FKTN: variants seen among roughly 807,000 people sequenced by gnomAD.
FKTN encodes the protein ribitol-5-phosphate transferase FKTN.
Under a neutral mutation model 58.6 loss-of-function variants are expected in FKTN, and 47 were observed. The ratio of observed to expected loss-of-function variants is 0.80; its 90% CI spans 0.63 to 1.02. The LOEUF is 1.02. Ranked by LOEUF, FKTN falls within the 50% of genes least tolerant of loss-of-function variation. FKTN has a pLI of 0.00. For missense variants in FKTN, 516 were observed against 537.3 expected, an observed-to-expected ratio of 0.96 and a Z score of 0.39; for synonymous variants, 178 against 191.9, an observed-to-expected ratio of 0.93 and a Z score of 0.60.
chr9:105,572,763 GT>G (rs1314609581), intron 1 of FKTN, among the ~76,000 whole-genome samples: 1 of 152,228 alleles, frequency 6.6e-6, no homozygotes, highest in East Asian at 1.9e-4. Context: ...AAGAAGTAAT[GT>G]TTAAATGCTT....
chr9:105,634,995 T>C (rs1833909397), intron 10 of FKTN, 56 bp from the exon 11 acceptor site: 6 of 1,391,310 alleles, frequency 4.3e-6, no homozygotes, highest in Non-Finnish European at 6.1e-6. Context: ...AGCAGCTAGA[T>C]TCCTTAGCTA....
chr9:105,629,355 T>C (rs1249540488), intron 10 of FKTN, among the ~76,000 whole-genome samples: 1 of 152,232 alleles, frequency 6.6e-6, no homozygotes, highest in African/African-American at 2.4e-5. Context: ...GCAGACCTAA[T>C]TGCAATGATA....
chr9:105,615,186 G>A, intron 7 of FKTN, 92 bp from the exon 8 acceptor site: 2 of 1,381,712 alleles, frequency 1.4e-6, no homozygotes, highest in Non-Finnish European at 2.0e-6. Context: ...GCCCAGCCTG[G>A]GGTTAATTTT....
chr9:105,572,230 G>GTATA lies in FKTN; in HGVS notation c.-180-1407_-180-1404dup, dbSNP rs35917146. On this transcript the variant is annotated intron_variant, in intron 1 of 10. Transcript: ENST00000357998. ...TTCTCTTAAGTAGTTTCTTGAGACT[G>GTATA]TATATATATATATATATATATTTTA... Among the ~76,000 whole-genome samples, 1,200 of 146,290 alleles carry GTATA rather than the reference G, an allele frequency of 8.2e-3. 12 individuals carry two copies. The highest frequency in any genetic ancestry group is 0.02 in the South Asian group (92 of 4,668).
chr9:105,574,061 C>T (rs747366326), intron 2 of FKTN: 21 of 151,894 alleles, frequency 1.4e-4, no homozygotes, highest in Non-Finnish European at 2.9e-4. Context: ...AGGAATAAGA[C>T]CAAAATAACT....
At chr9:105,574,797 C>G (rs1417302474) in intron 2 of FKTN, 148 bp from the exon 3 acceptor site, 2 of 423,834 alleles carry the variant, frequency 4.7e-6, no homozygotes, top group Non-Finnish European at 4.2e-6. Flanking sequence ...TCATTGGTCT[C>G]ATATTTGATT....
chr9:105,603,836 G>A (rs1164575508), intron 5 of FKTN: 3 of 310,776 alleles, frequency 9.7e-6, no homozygotes, highest in Admixed American at 4.4e-5. Flanking sequence ...ACCACACCTT[G>A]GCAAATTTTT....
chr9:105,605,444 A>C (rs936644273), intron 6 of FKTN, among the ~76,000 whole-genome samples: 3 of 152,190 alleles, frequency 2.0e-5, no homozygotes, highest in South Asian at 4.1e-4. Flanking sequence ...AAAATCAGTA[A>C]GTTTGGAAAC....
Position 105,639,042 on chromosome 9 carries a change from T to C in FKTN, c.*3778T>C, listed in dbSNP as rs79831528. On this transcript the variant is annotated 3_prime_UTR_variant, in exon 11 of 11. Transcript: ENST00000357998. ...TTCTAAGTTTCCCCCCTAGTTTCACTTTCTGGAAAGTGAACAGTTTTTTAA... is the reference window on the plus strand; with the variant it reads ...TTCTAAGTTTCCCCCCTAGTTTCACCTTCTGGAAAGTGAACAGTTTTTTAA... 5.9e-3 allele frequency: 5,808 copies of C among 985,382 alleles called. 265 individuals carry two copies. The African/African-American group carries it at 0.094, about 16-fold the overall frequency. 61.0% of individuals were successfully genotyped at this position (985,382 alleles called of 1,614,324 possible).
chr9:105,604,563 A>G, intron 6 of FKTN, 71 bp downstream of exon 6: 1 of 1,222,748 alleles, frequency 8.2e-7, no homozygotes, highest in Non-Finnish European at 1.2e-6. Context: ...GTGTTTTTAC[A>G]TTTGAGTATT....
chr9:105,621,775 A>G (rs2133247636), intron 10 of FKTN, among the ~76,000 whole-genome samples: 1 of 152,186 alleles, frequency 6.6e-6, no homozygotes, highest in South Asian at 2.1e-4. Flanking sequence ...GCTGCATTTT[A>G]TTCCATTGTA....
chr9:105,633,234 T>C (rs1489197004), intron 10 of FKTN: 1 of 152,228 alleles, frequency 6.6e-6, no homozygotes, highest in East Asian at 1.9e-4. Flanking sequence ...TATTTATATA[T>C]TTAAAATGTT....
chr9:105,559,249 A>G lies in FKTN; in HGVS notation c.-181+1084A>G, dbSNP rs190283455. Among the ~76,000 whole-genome samples, 13 of 152,330 alleles carry G rather than the reference A, an allele frequency of 8.5e-5. No individual in the cohort carries two copies. The East Asian group carries it at 2.5e-3, about 29-fold the overall frequency. On this transcript the variant is annotated intron_variant, in intron 1 of 10. Transcript: ENST00000357998. ...CTCTTGGCTGTCATTTAATTCTTCTAGAGCCTATTCTCCATAAGGTGATGT... is the reference window on the plus strand; with the variant it reads ...CTCTTGGCTGTCATTTAATTCTTCTGGAGCCTATTCTCCATAAGGTGATGT...
intron 3 of FKTN, among the ~76,000 whole-genome samples, chr9:105,579,460 A>C (rs1334438647): frequency 6.6e-6 from 1 of 151,836 alleles, no homozygotes; most frequent in Non-Finnish European, 1.5e-5. Context: ...TTCAGTTTCC[A>C]TGTAGTTGAG....
In FKTN at chr9:105,607,964, C is replaced by G. The variant is rs1401312926; in HGVS notation, c.780+13C>G. The G allele has an allele frequency of 1.2e-6, 2 of 1,604,088 alleles. No individual in the cohort carries two copies. The highest frequency in any genetic ancestry group is 1.7e-6 in the Non-Finnish European group (2 of 1,171,446). ...AGCATTCTTTCAGGTTAGAGACAAC[C>G]AAATGTGTACTTTTAAATTAAAGAA... On this transcript the variant is annotated intron_variant, in intron 7 of 10. Transcript: ENST00000357998.
chr9:105,623,518 G>A lies in FKTN; in HGVS notation c.1172+3457G>A, dbSNP rs146608411. On this transcript the variant is annotated intron_variant, in intron 10 of 10. Transcript: ENST00000357998. The stretch of plus-strand genomic sequence containing the variant: ...ACAACTACTGCTACATCCTCTAATA[G>A]GAAATCTACTCCTTGGGCTAGTAGT... 3.7e-3 allele frequency among the ~76,000 whole-genome samples: 559 copies of A among 152,188 alleles called. 4 individuals carry two copies. Among genetic ancestry groups the A allele is most frequent in the African/African-American group, 0.013 (537 of 41,534 alleles).
At chr9:105,599,327 A>G (rs1335783117) in intron 4 of FKTN, among the ~76,000 whole-genome samples, 1 of 152,120 alleles carries the variant, frequency 6.6e-6, no homozygotes, top group Non-Finnish European at 1.5e-5. Flanking sequence ...TAGGATAAAT[A>G]CTACTTGGTC....
In FKTN at chr9:105,635,215, A is replaced by T. The variant is rs374912618; in HGVS notation, c.1337A>T (p.Asn446Ile). The T allele has an allele frequency of 1.2e-4, 201 of 1,614,190 alleles. 1 individual carries two copies. The South Asian group carries it at 2.1e-3, about 17-fold the overall frequency. ...CGCTCTCCTCCCAATGTGCAACCCA[A>T]TGGAATCTGGCCTATTTCTGAGTGG... ...WKRSPPNVQP[N>I]GIWPISEWDE... The change falls in exon 11 of 11, where the codon AAT becomes ATT. Residue 446 changes from asparagine to isoleucine, a missense_variant. Physicochemically the swap from Asn to Ile is moderately radical, Grantham distance 149. Transcript: ENST00000357998.
At chr9:105,609,646 T>A (rs77188421) in intron 7 of FKTN, among the ~76,000 whole-genome samples, 1,613 of 152,272 alleles carry the variant, frequency 0.011, 27 homozygotes, top group African/African-American at 0.037. Flanking sequence ...TTTGGAAGAT[T>A]ACAAGCCAGA....
Sources: allele counts gnomAD v4.1 joint callset (sites outside exome capture counted in the v4.1 genomes callset), GRCh38; gene constraint gnomAD v4.1.1; transcripts MANE v1.5; gene names NCBI Gene and HGNC (gene_info 2026-07-23, HGNC 2026-07-21).